Variants in PDE3A observed in about 807,000 individuals in gnomAD.
PDE3A encodes cGMP-inhibited 3',5'-cyclic phosphodiesterase 3A.
A neutral mutation model predicts 98.3 loss-of-function variants in PDE3A; 43 were observed. The ratio of observed to expected loss-of-function variants is 0.44; its 90% CI spans 0.34 to 0.56. The LOEUF is 0.56. Among genes scored for constraint, PDE3A ranks in the 20% least tolerant of loss-of-function variants. PDE3A has a pLI of 0.01. For missense variants in PDE3A, 1,427 were observed against 1,440.7 expected (o/e 0.99, Z 0.15); for synonymous variants, 663 against 567.9 (o/e 1.17, Z -2.38).
intron 1 of PDE3A, among the ~76,000 whole-genome samples, chr12:20,495,646 T>C (rs1484282613): frequency 6.6e-6 from 1 of 152,200 alleles, no homozygotes; most frequent in Non-Finnish European, 1.5e-5. Context: ...GACTTTTCCC[T>C]ACTACAATTA....
intron 1 of PDE3A, among the ~76,000 whole-genome samples, chr12:20,494,303 G>C (rs186311129): frequency 6.6e-6 from 1 of 152,126 alleles, no homozygotes; most frequent in East Asian, 1.9e-4. Context: ...TTGAAGAAGA[G>C]CTTTTAAAAT....
intron 1 of PDE3A, among the ~76,000 whole-genome samples, chr12:20,538,572 A>C (rs2121210950): frequency 6.6e-6 from 1 of 152,280 alleles, no homozygotes; most frequent in African/African-American, 2.4e-5. Context: ...TCTGTGAATA[A>C]GGAAGAAGAA....
intron 1 of PDE3A, among the ~76,000 whole-genome samples, chr12:20,472,037 C>G (rs1429785547): frequency 6.6e-6 from 1 of 152,082 alleles, no homozygotes; most frequent in Non-Finnish European, 1.5e-5. Flanking sequence ...AGCTACATCC[C>G]CACCCTCTTA....
chr12:20,410,694 A>G lies in PDE3A; in HGVS notation c.960+40450A>G, dbSNP rs190668669. On this transcript the variant is annotated intron_variant, in intron 1 of 15. Transcript: ENST00000359062. ...ATTTTTACTTGTCAATTATGTCTCC[A>G]TAATTTTTAAAAGACGCTGTTCATT... 1.3e-3 allele frequency among the ~76,000 whole-genome samples: 191 copies of G among 152,292 alleles called. 1 individual carries two copies. Among genetic ancestry groups the G allele is most frequent in the Non-Finnish European group, 1.2e-4 (8 of 68,016 alleles).
chr12:20,532,592 C>T (rs1044400998), intron 1 of PDE3A, among the ~76,000 whole-genome samples: 12 of 151,900 alleles, frequency 7.9e-5, no homozygotes, highest in Non-Finnish European at 1.8e-4. Flanking sequence ...AAATAACTAC[C>T]ATTCAATGTG....
chr12:20,687,769 G>T lies in PDE3A; in HGVS notation c.*7498G>T, dbSNP rs1386551664. ...TCCCTGGCTTTCTATAATATATTAG[G>T]ATATGTGACTGAAGGAAATTTAATC... On this transcript the variant is annotated 3_prime_UTR_variant, in exon 16 of 16. Coordinates refer to ENST00000359062, the MANE Select transcript of PDE3A (RefSeq NM_000921.5). Among the ~76,000 whole-genome samples the T allele has an allele frequency of 6.6e-6, 1 of 151,748 alleles. No individual in the cohort carries two copies. The highest frequency in any genetic ancestry group is 1.5e-5 in the Non-Finnish European group (1 of 67,878).
At chr12:20,515,092 G>T (rs1412252708) in intron 1 of PDE3A, among the ~76,000 whole-genome samples, 1 of 152,176 alleles carries the variant, frequency 6.6e-6, no homozygotes, top group Non-Finnish European at 1.5e-5. Context: ...CAGCCATGAG[G>T]GTAGAGCCCT....
chr12:20,655,380 T>G (rs1042960569), intron 15 of PDE3A, among the ~76,000 whole-genome samples: 1 of 151,962 alleles, frequency 6.6e-6, no homozygotes, highest in African/African-American at 2.4e-5. Context: ...GGGATGTACA[T>G]TGGGTGGGGT....
intron 15 of PDE3A, among the ~76,000 whole-genome samples, chr12:20,671,803 C>T (rs1386245932): frequency 1.5e-4 from 21 of 143,836 alleles, no homozygotes; most frequent in African/African-American, 5.4e-4. Context: ...ACAGGGATGC[C>T]CTCTCTCACC....
chr12:20,609,664 G>A (rs936813203), intron 2 of PDE3A, among the ~76,000 whole-genome samples: 1 of 152,070 alleles, frequency 6.6e-6, no homozygotes, highest in South Asian at 2.1e-4. Flanking sequence ...CAAATCTATA[G>A]TAATCAAAAT....
intron 1 of PDE3A, among the ~76,000 whole-genome samples, chr12:20,527,970 C>G (rs1042685194): frequency 5.2e-4 from 79 of 151,084 alleles, no homozygotes; most frequent in Admixed American, 4.5e-3. Context: ...GCTCTGTCTA[C>G]CCGGCTGTAA....
chr12:20,655,771 C>T (rs1421689363), intron 15 of PDE3A, among the ~76,000 whole-genome samples: 1 of 152,150 alleles, frequency 6.6e-6, no homozygotes, highest in Non-Finnish European at 1.5e-5. Context: ...AACTGGACTG[C>T]TTCAGCTGCT....
intron 1 of PDE3A, among the ~76,000 whole-genome samples, chr12:20,440,850 G>A (rs1260103262): frequency 1.3e-5 from 2 of 152,010 alleles, no homozygotes; most frequent in East Asian, 3.9e-4. Flanking sequence ...ATTCTTTTGG[G>A]ATTCCTTATC....
At chr12:20,498,911 A>G (rs1453198506) in intron 1 of PDE3A, among the ~76,000 whole-genome samples, 2 of 152,182 alleles carry the variant, frequency 1.3e-5, no homozygotes, top group Non-Finnish European at 2.9e-5. Flanking sequence ...GAACAGCAGT[A>G]AAGGCAAGAA....
chr12:20,409,863 T>C (rs552862629), intron 1 of PDE3A, among the ~76,000 whole-genome samples: 2 of 152,326 alleles, frequency 1.3e-5, no homozygotes, highest in Admixed American at 1.3e-4. Context: ...TCCTTAGCTT[T>C]TGGTCTTCTG....
At chr12:20,388,452 C>A (rs1752990573) in intron 1 of PDE3A, among the ~76,000 whole-genome samples, 1 of 151,906 alleles carries the variant, frequency 6.6e-6, no homozygotes, top group South Asian at 2.1e-4. Flanking sequence ...TTTACCAAGG[C>A]TTTTTGGTGT....
At chr12:20,448,399 T>C (rs1212997035) in intron 1 of PDE3A, among the ~76,000 whole-genome samples, 1 of 152,098 alleles carries the variant, frequency 6.6e-6, no homozygotes, top group East Asian at 1.9e-4. Context: ...CGAGGTCGCG[T>C]CAATGCACAA....
intron 2 of PDE3A, chr12:20,557,025 A>G (rs1942386661): frequency 3.6e-6 from 1 of 275,086 alleles, no homozygotes; most frequent in East Asian, 8.8e-5. Context: ...TTCCTTTGAC[A>G]ATTTTTCCGT....
intron 2 of PDE3A, among the ~76,000 whole-genome samples, chr12:20,604,659 A>G: frequency 6.6e-6 from 1 of 152,178 alleles, no homozygotes; most frequent in Admixed American, 6.5e-5. Flanking sequence ...TAGGACAAAT[A>G]GCTGGTCTGG....
Sources: allele counts gnomAD v4.1 joint callset (sites outside exome capture counted in the v4.1 genomes callset), GRCh38; gene constraint gnomAD v4.1.1; transcripts MANE v1.5; gene names NCBI Gene and HGNC (gene_info 2026-07-23, HGNC 2026-07-21).